Variants in TTC6 observed in about 807,000 individuals in gnomAD.
TTC6 encodes the protein tetratricopeptide repeat domain 6.
TTC6 carries 172 observed loss-of-function variants against 210.4 expected under a neutral mutation model. The ratio of observed to expected loss-of-function variants is 0.82; its 90% CI spans 0.72 to 0.93. The LOEUF (loss-of-function observed/expected upper bound fraction) is 0.93, where lower values mean the gene tolerates loss of function less well. Among genes scored for constraint, TTC6 ranks in the 40% least tolerant of loss-of-function variants. The pLI, the probability that TTC6 is intolerant of heterozygous loss-of-function variation, is 0.00. For missense variants in TTC6, 2,414 were observed against 2,318.1 expected, an observed-to-expected ratio of 1.04 and a Z score of -0.85; for synonymous variants, 804 against 819.6, an observed-to-expected ratio of 0.98 and a Z score of 0.32.
chr14:37,713,455 C>T (rs1405283861), intron 5 of TTC6, among the ~76,000 whole-genome samples: 1 of 152,152 alleles, frequency 6.6e-6, no homozygotes, highest in Non-Finnish European at 1.5e-5. Context: ...CTAGGCTGGT[C>T]TTGAACTCCT....
At chr14:37,837,454 C>G (rs778797080) in intron 29 of TTC6, 10 of 453,606 alleles carry the variant, frequency 2.2e-5, no homozygotes, top group Admixed American at 7.2e-5. Context: ...CCCCCTCCCC[C>G]CAACCTGTCC....
chr14:37,840,361 C>CA (rs1447886793), intron 29 of TTC6, among the ~76,000 whole-genome samples: 2 of 151,640 alleles, frequency 1.3e-5, no homozygotes, highest in Non-Finnish European at 2.9e-5. Flanking sequence ...GCCTACCAAC[C>CA]AAAAAAAATC....
At chr14:37,679,501 C>T (rs964082037) in intron 1 of TTC6, among the ~76,000 whole-genome samples, 3 of 152,016 alleles carry the variant, frequency 2.0e-5, no homozygotes, top group Non-Finnish European at 2.9e-5. Flanking sequence ...TTCCCTCTTG[C>T]CCTTGGTTGC....
intron 1 of TTC6, among the ~76,000 whole-genome samples, chr14:37,635,290 T>C (rs1454222840): frequency 6.6e-6 from 1 of 152,146 alleles, no homozygotes; most frequent in African/African-American, 2.4e-5. Flanking sequence ...TCATGTACTA[T>C]CTACAGAAAT....
intron 1 of TTC6, among the ~76,000 whole-genome samples, chr14:37,649,040 T>G (rs1418539718): frequency 6.6e-6 from 1 of 152,088 alleles, no homozygotes; most frequent in Admixed American, 6.6e-5. Flanking sequence ...TAAGATCACA[T>G]GCCATGCTGG....
chr14:37,778,959 G>C (rs2096046582), intron 14 of TTC6, among the ~76,000 whole-genome samples: 1 of 152,154 alleles, frequency 6.6e-6, no homozygotes, highest in African/African-American at 2.4e-5. Flanking sequence ...ATCCCTGACT[G>C]TGCTTCATTG....
chr14:37,804,860 C>T (rs1229175035), intron 21 of TTC6, 46 bp downstream of exon 23: 5 of 1,598,358 alleles, frequency 3.1e-6, no homozygotes, highest in African/African-American at 1.3e-5. Flanking sequence ...ATTTTAGAGA[C>T]TGGTTGCTTG....
At chr14:37,822,811 A>C (rs2139490881) in intron 26 of TTC6, among the ~76,000 whole-genome samples, 1 of 152,320 alleles carries the variant, frequency 6.6e-6, no homozygotes, top group East Asian at 1.9e-4. Flanking sequence ...GTGCAAGCAT[A>C]GTATGGTAGT....
chr14:37,610,103 C>A (rs2139246016), intron 2 of TTC6, among the ~76,000 whole-genome samples: 1 of 152,296 alleles, frequency 6.6e-6, no homozygotes, highest in East Asian at 1.9e-4. Flanking sequence ...AGAGGGAAAG[C>A]AACTGGCCCA....
chr14:37,814,221 T>C (rs1030139245), intron 25 of TTC6, among the ~76,000 whole-genome samples: 1 of 152,162 alleles, frequency 6.6e-6, no homozygotes, highest in East Asian at 1.9e-4. Context: ...TTCTCTCCAC[T>C]AGTCATGCCA....
Position 37,749,855 on chromosome 14 carries a change from G to A in TTC6, c.2956+12G>A. The A allele has an allele frequency of 7.5e-7, 1 of 1,340,194 alleles. No homozygotes were observed. Among genetic ancestry groups the A allele is most frequent in the Non-Finnish European group, 9.6e-7 (1 of 1,042,602 alleles). The allele number at this position is 1,340,194 out of a possible 1,614,324, so 83.0% of individuals were successfully genotyped here. A position where few individuals can be genotyped will look rare whatever the true frequency, so the allele number is the denominator to read the frequency against. Reference sequence around the variant, plus strand: ...TAAAAATAATACAGGTGGGTTGTCTGTAGAGACAGTTATATTACCTACATT... The same window carrying A: ...TAAAAATAATACAGGTGGGTTGTCTATAGAGACAGTTATATTACCTACATT... On this transcript the variant is annotated intron_variant, in intron 12 of 30. Coordinates refer to ENST00000553443, the Ensembl canonical transcript of TTC6.
At chr14:37,648,403 T>C (rs1269881176) in intron 1 of TTC6, among the ~76,000 whole-genome samples, 1 of 152,232 alleles carries the variant, frequency 6.6e-6, no homozygotes, top group Non-Finnish European at 1.5e-5. Context: ...ATCTGAACTA[T>C]CCTTGGATTC....
intron 1 of TTC6, 91 bp downstream of exon 3, chr14:37,623,094 C>T (rs908387264): frequency 2.3e-5 from 21 of 897,556 alleles, no homozygotes; most frequent in Non-Finnish European, 6.5e-6. Flanking sequence ...GATAATATTT[C>T]AGTGCATAAG....
intron 6 of TTC6, among the ~76,000 whole-genome samples, chr14:37,724,235 A>C (rs1175760165): frequency 1.3e-5 from 2 of 152,210 alleles, no homozygotes; most frequent in East Asian, 3.9e-4. Context: ...CCCAGCAGTT[A>C]CTGGTACAAT....
intron 2 of TTC6, among the ~76,000 whole-genome samples, chr14:37,616,799 C>T (rs1407992171): frequency 2.7e-5 from 4 of 150,404 alleles, no homozygotes; most frequent in Non-Finnish European, 5.9e-5. Flanking sequence ...TTGAAACTGA[C>T]AGCAGGCAAT....
intron 16 of TTC6, among the ~76,000 whole-genome samples, chr14:37,791,445 G>A (rs2096079113): frequency 6.6e-6 from 1 of 152,100 alleles, no homozygotes; most frequent in Non-Finnish European, 1.5e-5. Context: ...GAAAAGGGAA[G>A]GTGTCAGAAA....
At chr14:37,725,643 C>T (rs1008749713) in intron 7 of TTC6, among the ~76,000 whole-genome samples, 2 of 151,662 alleles carry the variant, frequency 1.3e-5, no homozygotes, top group African/African-American at 2.4e-5. Flanking sequence ...AGCCACCATG[C>T]CTGGCCATAG....
chr14:37,826,142 T>G, intron 27 of TTC6, 53 bp from the exon 30 acceptor site: 7 of 1,514,044 alleles, frequency 4.6e-6, no homozygotes, highest in Non-Finnish European at 8.9e-7. Context: ...ATCATAAACG[T>G]TTGTCATGTT....
chr14:37,821,772 CTTTTTTTTTTTTTT>C (rs35078384), intron 26 of TTC6, among the ~76,000 whole-genome samples: 1 of 69,148 alleles, frequency 1.4e-5, no homozygotes, highest in South Asian at 4.9e-4. Context: ...AAGAGCTAGT[CTTTTTTTTTTTTTT>C]TTTTTTTTTT....
Sources: allele counts gnomAD v4.1 joint callset (sites outside exome capture counted in the v4.1 genomes callset), GRCh38; gene constraint gnomAD v4.1.1; transcripts MANE v1.5; gene names NCBI Gene and HGNC (gene_info 2026-07-23, HGNC 2026-07-21).